The following NKAIN3 variants were observed in gnomAD, a reference collection of about 807,000 sequenced individuals.
NKAIN3 encodes sodium/potassium transporting ATPase interacting 3.
NKAIN3 carries 25 observed loss-of-function variants against 30.2 expected under a neutral mutation model. That is an observed-to-expected ratio of 0.83 (90% CI 0.60 to 1.16). NKAIN3 has a LOEUF of 1.16. Ranked by LOEUF, NKAIN3 falls within the 50% of genes most tolerant of loss-of-function variation. NKAIN3 has a pLI of 0.00. For synonymous variants in NKAIN3, 91 were observed against 89.6 expected (o/e 1.02, Z -0.09); for missense variants, 225 against 254.1 (o/e 0.89, Z 0.78).
At chr8:62,798,917 G>A (rs1193638044) in intron 4 of NKAIN3, among the ~76,000 whole-genome samples, 1 of 152,066 alleles carries the variant, frequency 6.6e-6, no homozygotes, top group East Asian at 1.9e-4. Flanking sequence ...TGGAAGAACT[G>A]GACTATAATG....
intron 3 of NKAIN3, among the ~76,000 whole-genome samples, chr8:62,740,092 T>A (rs2130566768): frequency 6.6e-6 from 1 of 152,264 alleles, no homozygotes; most frequent in Non-Finnish European, 1.5e-5. Context: ...AACCTATCAA[T>A]CACTCTATTT....
At chr8:62,482,174 A>G (rs1040683335) in intron 1 of NKAIN3, 9 of 152,144 alleles carry the variant, frequency 5.9e-5, no homozygotes, top group African/African-American at 2.2e-4. Flanking sequence ...CCTCTCACAC[A>G]TGTCTTTGCT....
Position 62,966,050 on chromosome 8 carries a change from T to C in NKAIN3, c.*643T>C. 1.0e-6 allele frequency: 1 copy of C among 983,736 alleles called. No homozygotes were observed. Among genetic ancestry groups the C allele is most frequent in the Non-Finnish European group, 1.2e-6 (1 of 828,426 alleles). 60.9% of individuals were successfully genotyped at this position (983,736 alleles called of 1,614,324 possible). The stretch of plus-strand genomic sequence containing the variant: ...TTGTTTTTCCTGATATATATATATA[T>C]GTAGGCACATGGAAGAGTAAAAGGA... On this transcript the variant is annotated 3_prime_UTR_variant, in exon 7 of 7. Coordinates refer to ENST00000623646, the MANE Select transcript of NKAIN3 (RefSeq NM_001304533.3).
intron 1 of NKAIN3, among the ~76,000 whole-genome samples, chr8:62,434,567 C>T (rs1208727924): frequency 1.3e-5 from 2 of 152,104 alleles, no homozygotes; most frequent in Non-Finnish European, 2.9e-5. Context: ...GAAAAGACTG[C>T]TTTTTCTCTT....
At chr8:62,522,958 T>C (rs1808201167) in intron 1 of NKAIN3, among the ~76,000 whole-genome samples, 1 of 152,110 alleles carries the variant, frequency 6.6e-6, no homozygotes, top group South Asian at 2.1e-4. Flanking sequence ...GTACCCTAAG[T>C]GTACAGCATT....
chr8:62,703,268 G>GAATTCACTTAT (rs1290502906), intron 3 of NKAIN3, among the ~76,000 whole-genome samples: 4 of 151,662 alleles, frequency 2.6e-5, no homozygotes, highest in African/African-American at 9.7e-5. Context: ...CACTGTTTTT[G>GAATTCACTTAT]GTCATCTTTC....
chr8:62,816,738 C>T (rs1818696013), intron 4 of NKAIN3, among the ~76,000 whole-genome samples: 1 of 152,200 alleles, frequency 6.6e-6, no homozygotes, highest in South Asian at 2.1e-4. Flanking sequence ...GTCAGCAGGA[C>T]TTCAATTATG....
chr8:62,563,437 C>G (rs139409360), intron 1 of NKAIN3, among the ~76,000 whole-genome samples: 1 of 152,204 alleles, frequency 6.6e-6, no homozygotes, highest in East Asian at 1.9e-4. Flanking sequence ...TGAGAGTATT[C>G]ACTCCCTAAA....
intron 3 of NKAIN3, among the ~76,000 whole-genome samples, chr8:62,664,743 C>G (rs138426987): frequency 2.0e-3 from 306 of 152,248 alleles, no homozygotes; most frequent in African/African-American, 7.0e-3. Flanking sequence ...TCTTCTCCCC[C>G]CTATGCATCT....
At chr8:62,796,817 A>ACACACAC (rs1554578657) in intron 4 of NKAIN3, among the ~76,000 whole-genome samples, 46 of 41,370 alleles carry the variant, frequency 1.1e-3, no homozygotes, top group African/African-American at 2.2e-3. Context: ...CACACACACA[A>ACACACAC]ATACTCATGA....
intron 5 of NKAIN3, among the ~76,000 whole-genome samples, chr8:62,935,136 A>AGC (rs1021254090): frequency 1.3e-5 from 2 of 152,174 alleles, no homozygotes; most frequent in Non-Finnish European, 2.9e-5. Flanking sequence ...CTTCCAAACT[A>AGC]GCTGTTCATT....
At position 62,297,641 on chromosome 8, in the gene NKAIN3, T is replaced by G. The variant is rs1010802120; in HGVS notation, c.54+48514T>G. ...CAATGAGATACCATCTCACACCAGT[T>G]AGAATGGCAATCATTAAAAAGTCAG... On this transcript the variant is annotated intron_variant, in intron 1 of 6. Coordinates refer to ENST00000623646, the MANE Select transcript of NKAIN3 (RefSeq NM_001304533.3). Among the ~76,000 whole-genome samples, 242 of 151,956 alleles carry G rather than the reference T, an allele frequency of 1.6e-3. 1 individual carries two copies. The highest frequency in any genetic ancestry group is 5.6e-3 in the African/African-American group (232 of 41,482).
At chr8:62,275,061 T>C (rs1412951185) in intron 1 of NKAIN3, among the ~76,000 whole-genome samples, 13 of 152,164 alleles carry the variant, frequency 8.5e-5, no homozygotes, top group Non-Finnish European at 1.8e-4. Context: ...AACATACGTG[T>C]GCATGTGTTT....
chr8:62,853,880 C>T (rs369422934), intron 4 of NKAIN3, among the ~76,000 whole-genome samples: 1 of 152,114 alleles, frequency 6.6e-6, no homozygotes, highest in African/African-American at 2.4e-5. Flanking sequence ...CTACATCCCA[C>T]ACATGCTGGT....
At chr8:62,762,215 C>G (rs1314602885) in intron 4 of NKAIN3, among the ~76,000 whole-genome samples, 1 of 151,900 alleles carries the variant, frequency 6.6e-6, no homozygotes, top group Non-Finnish European at 1.5e-5. Context: ...ACCTGGGAGG[C>G]TGAGGCAGAA....
chr8:62,716,724 G>A (rs1251688803), intron 3 of NKAIN3, among the ~76,000 whole-genome samples: 1 of 151,172 alleles, frequency 6.6e-6, no homozygotes, highest in East Asian at 1.9e-4. Flanking sequence ...CTTTGACCTG[G>A]AAACTGGAAT....
intron 4 of NKAIN3, among the ~76,000 whole-genome samples, chr8:62,877,421 G>T (rs10808726): frequency 0.17 from 26,232 of 152,100 alleles, 3,262 homozygotes; most frequent in African/African-American, 0.34. Context: ...GGGGAGTGGG[G>T]GTCAGGATCT....
intron 1 of NKAIN3, among the ~76,000 whole-genome samples, chr8:62,329,595 G>T (rs888355197): frequency 2.6e-5 from 4 of 152,190 alleles, no homozygotes; most frequent in African/African-American, 9.6e-5. Flanking sequence ...TGTGGCAGTT[G>T]GTTTTCTGTT....
intron 3 of NKAIN3, among the ~76,000 whole-genome samples, chr8:62,715,882 G>A (rs975725506): frequency 6.6e-6 from 1 of 152,104 alleles, no homozygotes; most frequent in Non-Finnish European, 1.5e-5. Context: ...GGCCATGCAG[G>A]GATGGGGCAT....
Sources: allele counts gnomAD v4.1 joint callset (sites outside exome capture counted in the v4.1 genomes callset), GRCh38; gene constraint gnomAD v4.1.1; transcripts MANE v1.5; gene names NCBI Gene and HGNC (gene_info 2026-07-23, HGNC 2026-07-21).